The following ZNF536 variants were observed in gnomAD, a reference collection of about 807,000 sequenced individuals.
ZNF536 encodes zinc finger protein 536.
ZNF536 carries 13 observed loss-of-function variants against 84.5 expected under a neutral mutation model. That is an observed-to-expected ratio of 0.15 (90% CI 0.10 to 0.24). The LOEUF (loss-of-function observed/expected upper bound fraction) is 0.24, where lower values mean the gene tolerates loss of function less well. Ranked by LOEUF, ZNF536 falls within the 10% of genes least tolerant of loss-of-function variation. The probability of loss-of-function intolerance (pLI) is 1.00; values close to 1 mark genes in which losing one functional copy is unlikely to be tolerated. For missense variants in ZNF536, 1,536 were observed against 1,747.5 expected, an observed-to-expected ratio of 0.88 and a Z score of 2.16; for synonymous variants, 811 against 742.5, an observed-to-expected ratio of 1.09 and a Z score of -1.50.
chr19:30,238,033 T>C (rs1019683938), intron 1 of ZNF536, among the ~76,000 whole-genome samples: 1 of 152,214 alleles, frequency 6.6e-6, no homozygotes, highest in Non-Finnish European at 1.5e-5. Context: ...TTCTCATCAG[T>C]AGAACTGGAC....
chr19:30,265,625 C>T (rs944997000), intron 1 of ZNF536, among the ~76,000 whole-genome samples: 2 of 152,108 alleles, frequency 1.3e-5, no homozygotes, highest in African/African-American at 4.8e-5. Context: ...GCTCAGGGCT[C>T]GCCATATTCA....
chr19:30,315,811 C>T (rs1374843461), intron 2 of ZNF536, among the ~76,000 whole-genome samples: 1 of 152,006 alleles, frequency 6.6e-6, no homozygotes, highest in Non-Finnish European at 1.5e-5. Context: ...TGAATATTCA[C>T]AAAAAGAAAA....
intron 2 of ZNF536, among the ~76,000 whole-genome samples, chr19:30,529,937 G>T (rs984877055): frequency 3.9e-5 from 6 of 152,202 alleles, no homozygotes; most frequent in Non-Finnish European, 7.3e-5. Context: ...GTCAAGAAAA[G>T]AAACAAGGGC....
intron 1 of ZNF536, among the ~76,000 whole-genome samples, chr19:30,662,547 T>C (rs1232721662): frequency 6.6e-6 from 1 of 151,742 alleles, no homozygotes; most frequent in African/African-American, 2.4e-5. Flanking sequence ...TGGGGGGGGA[T>C]AGTTTTTTGT....
intron 1 of ZNF536, among the ~76,000 whole-genome samples, chr19:30,606,584 A>G (rs1481181810): frequency 6.6e-6 from 1 of 152,150 alleles, no homozygotes; most frequent in Non-Finnish European, 1.5e-5. Context: ...CAAGACCCTG[A>G]AGGTGTTTGG....
intron 1 of ZNF536, among the ~76,000 whole-genome samples, chr19:30,611,726 T>C (rs2048111863): frequency 6.6e-6 from 1 of 152,176 alleles, no homozygotes; most frequent in Admixed American, 6.5e-5. Context: ...AAACAAAATG[T>C]GATACCCACA....
At chr19:30,710,933 G>A (rs1290125584) in exon 2 of ZNF536, 3 of 152,306 alleles carry the variant, frequency 2.0e-5, no homozygotes, top group African/African-American at 7.2e-5. Context: ...GGAGCCTACA[G>A]CTGTCAAGGC....
intron 1 of ZNF536, among the ~76,000 whole-genome samples, chr19:30,253,327 C>G (rs1212837166): frequency 6.6e-6 from 1 of 152,120 alleles, no homozygotes; most frequent in African/African-American, 2.4e-5. Flanking sequence ...TTCTATAAGC[C>G]ATTTCATGTC....
intron 1 of ZNF536, among the ~76,000 whole-genome samples, chr19:30,252,075 A>G (rs4805534): frequency 0.24 from 36,169 of 152,088 alleles, 5,389 homozygotes; most frequent in East Asian, 0.52. Flanking sequence ...CAGAATCTAC[A>G]ATGAACTCAA....
chr19:30,284,863 G>T (rs2045574606), intron 2 of ZNF536, among the ~76,000 whole-genome samples: 1 of 142,704 alleles, frequency 7.0e-6, no homozygotes, highest in South Asian at 2.2e-4. Flanking sequence ...ATGTTGTACT[G>T]AATATATATT....
At chr19:30,255,057 G>T (rs1247850262) in intron 1 of ZNF536, among the ~76,000 whole-genome samples, 1 of 152,088 alleles carries the variant, frequency 6.6e-6, no homozygotes, top group Non-Finnish European at 1.5e-5. Flanking sequence ...GCCTCTAGTG[G>T]GTATTAATTC....
intron 2 of ZNF536, among the ~76,000 whole-genome samples, chr19:30,333,108 G>A (rs953645565): frequency 6.6e-5 from 10 of 151,924 alleles, no homozygotes; most frequent in Non-Finnish European, 1.0e-4. Flanking sequence ...GGCAGATCAC[G>A]TCACTGCACT....
chr19:30,312,827 C>A (rs1406977126), intron 2 of ZNF536, among the ~76,000 whole-genome samples: 1 of 152,206 alleles, frequency 6.6e-6, no homozygotes, highest in African/African-American at 2.4e-5. Context: ...GAGCCAGGAG[C>A]CTGGGTTTTC....
chr19:30,439,517 T>A (rs1388955382), intron 1 of ZNF536, among the ~76,000 whole-genome samples: 1 of 152,160 alleles, frequency 6.6e-6, no homozygotes, highest in Non-Finnish European at 1.5e-5. Flanking sequence ...TACCCCATAC[T>A]CTTTCCAGGA....
intron 1 of ZNF536, among the ~76,000 whole-genome samples, chr19:30,684,905 A>G (rs568550716): frequency 6.6e-6 from 1 of 152,150 alleles, no homozygotes; most frequent in African/African-American, 2.4e-5. Context: ...TGTCTGGGAC[A>G]CTCAAACTTA....
At chr19:30,566,821 G>A (rs2046367323) in intron 1 of ZNF536, among the ~76,000 whole-genome samples, 1 of 151,748 alleles carries the variant, frequency 6.6e-6, no homozygotes, top group African/African-American at 2.4e-5. Flanking sequence ...CCCACATGTG[G>A]CCTCTCCGGG....
intron 1 of ZNF536, among the ~76,000 whole-genome samples, chr19:30,594,639 G>A (rs914800089): frequency 2.0e-5 from 3 of 152,144 alleles, no homozygotes; most frequent in African/African-American, 7.2e-5. Flanking sequence ...CTGCTGGAGA[G>A]AGGCAGGGGG....
intron 1 of ZNF536, among the ~76,000 whole-genome samples, chr19:30,636,539 AG>A (rs1334476405): frequency 2.0e-5 from 3 of 152,222 alleles, no homozygotes; most frequent in African/African-American, 4.8e-5. Context: ...AAAAGTCCAC[AG>A]GGTGGAAGCA....
At position 30,270,195 on chromosome 19, in the gene ZNF536, G is replaced by A. The variant is rs138601288; in HGVS notation, c.-189-13877G>A. ...AAGACCCACCAGCCGACAATTCTTCGTGGATACAAATCTCTAGGCATGTCC... is the reference window on the plus strand; with the variant it reads ...AAGACCCACCAGCCGACAATTCTTCATGGATACAAATCTCTAGGCATGTCC... On this transcript the variant is annotated intron_variant, in intron 1 of 5. Transcript: ENST00000585628. Among the ~76,000 whole-genome samples the A allele has an allele frequency of 6.3e-3, 964 of 152,228 alleles. 12 individuals carry two copies. The highest frequency in any genetic ancestry group is 0.022 in the African/African-American group (924 of 41,518).
Sources: gnomAD v4.1 joint callset for allele counts (sites outside exome capture counted in the v4.1 genomes callset) on GRCh38, gnomAD v4.1.1 for gene constraint, MANE v1.5 for transcripts, NCBI Gene and HGNC (gene_info 2026-07-23, HGNC 2026-07-21) for gene names.